LRRC1: variants seen among roughly 807,000 people sequenced by gnomAD.
LRRC1 encodes the protein leucine-rich repeat-containing protein 1.
A neutral mutation model predicts 69.9 loss-of-function variants in LRRC1; 28 were observed. The observed-to-expected ratio is 0.40, with a 90% CI of 0.30 to 0.55. The LOEUF (loss-of-function observed/expected upper bound fraction) is 0.55. LRRC1 is among the 20% of genes least tolerant of loss of function. The pLI is 0.47. For synonymous variants in LRRC1, 236 were observed against 240.2 expected (o/e 0.98, Z 0.16); for missense variants, 498 against 609.0 (o/e 0.82, Z 1.92).
At chr6:53,851,852 G>A (rs1766148396) in intron 2 of LRRC1, among the ~76,000 whole-genome samples, 1 of 152,158 alleles carries the variant, frequency 6.6e-6, no homozygotes, top group African/African-American at 2.4e-5. Context: ...GCACATAAAT[G>A]CATAAACCTA....
At position 53,896,883 on chromosome 6, in the gene LRRC1, A is replaced by T. The variant is rs773352373; in HGVS notation, c.558A>T (p.Ile186=). 14 of 1,594,756 alleles carry T rather than the reference A, an allele frequency of 8.8e-6. No individual in the cohort carries two copies. The highest frequency in any genetic ancestry group is 1.0e-5 in the Non-Finnish European group (12 of 1,162,840). The part of the protein sequence containing the change: ...LEELDLGNNE[I]YNLPESIGAL... ...AACTTGATTTAGGAAACAATGAAAT[A>T]TATAATTTGGTAAGTCCGTATTAGA... is the stretch of plus-strand genomic sequence containing the variant. The change falls in exon 6 of 14, where the codon ATA becomes ATT. Residue 186 remains isoleucine, a synonymous_variant. Coordinates refer to ENST00000370888, the MANE Select transcript of LRRC1 (RefSeq NM_018214.5).
chr6:53,837,450 A>G (rs1765644691), intron 1 of LRRC1, among the ~76,000 whole-genome samples: 1 of 152,160 alleles, frequency 6.6e-6, no homozygotes, highest in Admixed American at 6.5e-5. Flanking sequence ...AGAGTTATGT[A>G]GGATGAAAAG....
chr6:53,833,435 A>C (rs1356885520), intron 1 of LRRC1, among the ~76,000 whole-genome samples: 1 of 152,246 alleles, frequency 6.6e-6, no homozygotes, highest in African/African-American at 2.4e-5. Context: ...GCACCTTGGA[A>C]ACATTAAAAT....
intron 1 of LRRC1, among the ~76,000 whole-genome samples, chr6:53,822,226 A>T (rs1442623288): frequency 6.6e-6 from 1 of 152,278 alleles, no homozygotes; most frequent in Non-Finnish European, 1.5e-5. Flanking sequence ...GGATACAGCA[A>T]TAGTGAAGGC....
rs138662628 is a variant in LRRC1, at chr6:53,811,254, G to A, written c.159+15839G>A. ...GCTTTAGTTTCTGTTTGAGACAGGCGTCTGTCTCAGGAGGAACTCTGTAGG... is the reference window on the plus strand; with the variant it reads ...GCTTTAGTTTCTGTTTGAGACAGGCATCTGTCTCAGGAGGAACTCTGTAGG... On this transcript the variant is annotated intron_variant, in intron 1 of 13. Transcript: ENST00000370888. Among the ~76,000 whole-genome samples the A allele has an allele frequency of 4.6e-5, 7 of 152,242 alleles. No individual in the cohort carries two copies. In the East Asian group the frequency reaches 7.7e-4, roughly 17 times the overall value.
At chr6:53,822,730 A>G (rs1765150624) in intron 1 of LRRC1, among the ~76,000 whole-genome samples, 1 of 152,148 alleles carries the variant, frequency 6.6e-6, no homozygotes, top group African/African-American at 2.4e-5. Flanking sequence ...TCTCTCACTC[A>G]GTTTTTTCCT....
chr6:53,883,107 T>G, intron 4 of LRRC1, 131 bp downstream of exon 4: 1 of 605,836 alleles, frequency 1.7e-6, no homozygotes, highest in South Asian at 2.1e-5. Context: ...TAATGTGACC[T>G]TCAAGAAAGA....
chr6:53,874,707 A>G (rs1767008966), intron 2 of LRRC1, among the ~76,000 whole-genome samples: 1 of 152,190 alleles, frequency 6.6e-6, no homozygotes. Context: ...CTCAGATTGA[A>G]TGAGTCAGAC....
chr6:53,889,966 T>C (rs541438747), intron 4 of LRRC1, among the ~76,000 whole-genome samples: 1 of 152,288 alleles, frequency 6.6e-6, no homozygotes, highest in East Asian at 1.9e-4. Flanking sequence ...CACCTGGTGA[T>C]CAGGCAGGTA....
In LRRC1 at chr6:53,923,973, A is replaced by C. The variant is rs1274268893; in HGVS notation, c.*1180A>C. ...AATTTTAAATCTGCTAATTTAAGGG[A>C]TATTGGGAAAAGTTTTGGTGTGTTT... is the stretch of plus-strand genomic sequence containing the variant. On this transcript the variant is annotated 3_prime_UTR_variant, in exon 14 of 14. Transcript: ENST00000370888. 2.6e-5 allele frequency: 4 copies of C among 152,612 alleles called. No individual in the cohort carries two copies. The highest frequency in any genetic ancestry group is 4.4e-5 in the Non-Finnish European group (3 of 68,040). The allele number at this position is 152,612 out of a possible 1,614,324, so 9.5% of individuals were successfully genotyped here. A position where few individuals can be genotyped will look rare whatever the true frequency, so the allele number is the denominator to read the frequency against.
chr6:53,813,450 G>A (rs928599221), intron 1 of LRRC1, among the ~76,000 whole-genome samples: 15 of 152,028 alleles, frequency 9.9e-5, no homozygotes, highest in African/African-American at 2.9e-4. Context: ...AAACCAGAGA[G>A]TGCATGCCCC....
chr6:53,860,895 G>A (rs147336364), intron 2 of LRRC1, among the ~76,000 whole-genome samples: 6 of 152,296 alleles, frequency 3.9e-5, no homozygotes, highest in East Asian at 1.9e-4. Flanking sequence ...CATGGACGGA[G>A]CTGGAGGCCA....
chr6:53,896,609 T>TA (rs1554185821), intron 5 of LRRC1, 55 bp downstream of exon 5: 31 of 1,487,328 alleles, frequency 2.1e-5, no homozygotes, highest in Middle Eastern at 3.5e-4. Flanking sequence ...TTTAAGTATT[T>TA]AAAAAAACAG....
chr6:53,834,448 A>G (rs953937992), intron 1 of LRRC1, among the ~76,000 whole-genome samples: 1 of 152,186 alleles, frequency 6.6e-6, no homozygotes, highest in African/African-American at 2.4e-5. Context: ...CACCTCCAGC[A>G]TGACTTAGTT....
chr6:53,829,393 G>A (rs1765367558), intron 1 of LRRC1, among the ~76,000 whole-genome samples: 1 of 152,214 alleles, frequency 6.6e-6, no homozygotes. Context: ...GTAAAAAGTA[G>A]TGTTGTAAAG....
chr6:53,892,405 A>G (rs971548199), intron 4 of LRRC1, among the ~76,000 whole-genome samples: 5 of 152,182 alleles, frequency 3.3e-5, no homozygotes, highest in African/African-American at 7.2e-5. Context: ...CTGTAATACC[A>G]TGTTTAACTG....
chr6:53,911,640 G>A (rs2127440983), intron 10 of LRRC1, among the ~76,000 whole-genome samples: 1 of 152,326 alleles, frequency 6.6e-6, no homozygotes, highest in South Asian at 2.1e-4. Flanking sequence ...TGACTTGGAA[G>A]CTCTCCTTCA....
chr6:53,813,270 G>A (rs140746826), intron 1 of LRRC1, among the ~76,000 whole-genome samples: 202 of 152,302 alleles, frequency 1.3e-3, no homozygotes, highest in African/African-American at 4.7e-3. Flanking sequence ...GGAGTGGACT[G>A]TGTGGATTGG....
intron 3 of LRRC1, among the ~76,000 whole-genome samples, chr6:53,879,486 A>G (rs577510009): frequency 1.3e-5 from 2 of 152,174 alleles, no homozygotes; most frequent in Admixed American, 1.3e-4. Context: ...GGGTTTCACC[A>G]TATTGGCCAG....
Sources: allele counts gnomAD v4.1 joint callset (sites outside exome capture counted in the v4.1 genomes callset), GRCh38; gene constraint gnomAD v4.1.1; transcripts MANE v1.5; gene names NCBI Gene and HGNC (gene_info 2026-07-23, HGNC 2026-07-21).